CENPI: variants seen among roughly 807,000 people sequenced by gnomAD.
CENPI encodes centromere protein I, also known as FSH primary response 1.
In CENPI, 4 loss-of-function variants were observed where a neutral mutation model predicts 60.4. The observed-to-expected ratio is 0.07, with a 90% CI of 0.03 to 0.15. The LOEUF is 0.15. CENPI is among the 10% of genes least tolerant of loss of function. The pLI is 1.00. For synonymous variants in CENPI, 157 were observed against 189.4 expected, an observed-to-expected ratio of 0.83 and a Z score of 1.40; for missense variants, 444 against 534.5, an observed-to-expected ratio of 0.83 and a Z score of 1.67.
the CENPI span, among the ~76,000 whole-genome samples, chrX:101,180,525 A>G: frequency 8.9e-6 from 1 of 111,956 alleles, no homozygotes; most frequent in Non-Finnish European, 1.9e-5. Flanking sequence ...CACTTCTCAG[A>G]TATATGATTT....
chrX:101,151,363 G>A (rs1222284654), intron 20 of CENPI, among the ~76,000 whole-genome samples: 3 of 111,610 alleles, frequency 2.7e-5, no homozygotes, highest in African/African-American at 9.8e-5. Context: ...AAATTCCTCT[G>A]GATTGGCAAA....
At chrX:101,105,381 G>C (rs961654881) in intron 4 of CENPI, among the ~76,000 whole-genome samples, 1 of 110,799 alleles carries the variant, frequency 9.0e-6, no homozygotes, top group African/African-American at 3.3e-5. Context: ...AAAATTAGCC[G>C]GGCGTGGTGT....
At chrX:101,167,519 A>G (rs1048924850), downstream of CENPI, among the ~76,000 whole-genome samples, 1 of 111,838 alleles carries the variant, frequency 8.9e-6, no homozygotes, top group Non-Finnish European at 1.9e-5. Flanking sequence ...TTTTGCATTT[A>G]TAATCAGCTT....
At chrX:101,156,904 G>A (rs1196985014) in intron 20 of CENPI, among the ~76,000 whole-genome samples, 4 of 111,259 alleles carry the variant, frequency 3.6e-5, no homozygotes, top group Admixed American at 1.9e-4. Context: ...CTCATTGATT[G>A]ATGGGTGTTT....
downstream of CENPI, among the ~76,000 whole-genome samples, chrX:101,171,109 C>T (rs775748699): frequency 1.5e-3 from 169 of 111,504 alleles, 1 homozygote; most frequent in Non-Finnish European, 2.8e-3. Flanking sequence ...AAGTCTACAG[C>T]GCTATATTAA....
intron 8 of CENPI, among the ~76,000 whole-genome samples, chrX:101,121,959 C>T (rs1376960502): frequency 9.3e-6 from 1 of 108,029 alleles, no homozygotes; most frequent in African/African-American, 3.4e-5. Flanking sequence ...CGCACCACCA[C>T]GCCAGGCTAA....
At chrX:101,098,702 T>C (rs779984602) in intron 2 of CENPI, 163 bp downstream of exon 2, 1 of 111,850 alleles carries the variant, frequency 8.9e-6, no homozygotes, top group South Asian at 3.8e-4. Flanking sequence ...TTTCCACCTC[T>C]ACACCCTAGG....
intron 18 of CENPI, among the ~76,000 whole-genome samples, chrX:101,146,966 C>T (rs1156770634): frequency 9.0e-6 from 1 of 111,485 alleles, no homozygotes; most frequent in East Asian, 2.8e-4. Flanking sequence ...GAACTCCTGA[C>T]CTCAGGTAAT....
chrX:101,118,594 A>G (rs959826400), intron 6 of CENPI, among the ~76,000 whole-genome samples: 1 of 112,349 alleles, frequency 8.9e-6, no homozygotes, highest in African/African-American at 3.2e-5. Context: ...GAAATGGCAA[A>G]AACTGCAATT....
At chrX:101,127,743 T>C (rs1369760554) in intron 11 of CENPI, 78 bp downstream of exon 11, 2 of 851,483 alleles carry the variant, frequency 2.3e-6, no homozygotes, top group Non-Finnish European at 3.3e-6. Flanking sequence ...TGTTTGTTTG[T>C]TTTGTTTTTT....
In CENPI at chrX:101,162,873, A is replaced by G. The variant is rs1276893566; in HGVS notation, c.2177A>G (p.Gln726Arg). The change falls in exon 22 of 22, where the codon CAG becomes CGG. Residue 726 changes from glutamine to arginine, a missense_variant. Gln to Arg is a conservative substitution (Grantham distance 43). Coordinates refer to ENST00000682095, the MANE Select transcript of CENPI (RefSeq NM_001386188.2). ...WSWYLDYLFS[Q>R]GLQGLKLFIR... is the part of the protein sequence containing the mutation. ...TGGTATTTGGACTATTTATTTTCAC[A>G]GGGGTTACAAGGCTTGAAACTTTTT... is the stretch of plus-strand genomic sequence containing the variant. The G allele has an allele frequency of 8.3e-7, 1 of 1,207,340 alleles. No homozygotes were observed. Among genetic ancestry groups the G allele is most frequent in the Non-Finnish European group, 1.1e-6 (1 of 893,010 alleles).
intron 6 of CENPI, among the ~76,000 whole-genome samples, chrX:101,117,231 G>A (rs1304505738): frequency 9.0e-6 from 1 of 110,516 alleles, no homozygotes; most frequent in Non-Finnish European, 1.9e-5. Context: ...AGAGTTTTTT[G>A]CTCTTGTTGC....
chrX:101,103,068 C>G (rs769595851), intron 4 of CENPI, among the ~76,000 whole-genome samples: 2 of 106,531 alleles, frequency 1.9e-5, no homozygotes, highest in African/African-American at 6.9e-5. Context: ...AATCTCAGCT[C>G]ACTGCAACCT....
chrX:101,124,090 A>AGTGTGT lies in CENPI; in HGVS notation c.688-2578_688-2573dup, dbSNP rs397842781. Among the ~76,000 whole-genome samples the AGTGTGT allele has an allele frequency of 9.7e-3, 858 of 88,249 alleles. 4 individuals carry two copies. Among genetic ancestry groups the AGTGTGT allele is most frequent in the East Asian group, 0.024 (61 of 2,587 alleles). The allele number at this position is 88,249 out of a possible 115,157, so 76.6% of individuals were successfully genotyped here. The stretch of plus-strand genomic sequence containing the variant: ...TTGCACGGTTGTACATATAGAATCA[A>AGTGTGT]GTGTGTGTGTGTGTGTGTGTGTGTG... On this transcript the variant is annotated intron_variant, in intron 8 of 21. Transcript: ENST00000682095.
intron 4 of CENPI, among the ~76,000 whole-genome samples, chrX:101,106,030 A>G (rs755073358): frequency 9.0e-6 from 1 of 110,947 alleles, no homozygotes; most frequent in Non-Finnish European, 1.9e-5. Context: ...TGAGATGCAT[A>G]TTTAGAGGCA....
rs186453011 is a variant in CENPI at position 101,123,643 on chromosome X, A to G, written c.687+2859A>G. ...CACTTTGTCACCCAGGCTGGAGTGC[A>G]GTGGCATGATCATGGCTCACTGCCA... On this transcript the variant is annotated intron_variant, in intron 8 of 21. Transcript: ENST00000682095. 3.7e-4 allele frequency among the ~76,000 whole-genome samples: 41 copies of G among 110,755 alleles called. 1 individual carries two copies. The East Asian group carries it at 0.01, about 28-fold the overall frequency.
At chrX:101,174,483 G>C in the CENPI span, among the ~76,000 whole-genome samples, 4 of 111,825 alleles carry the variant, frequency 3.6e-5, no homozygotes, top group African/African-American at 1.3e-4. Flanking sequence ...ATACTACATA[G>C]CCATAAAAGA....
chrX:101,106,656 A>G (rs948575566), intron 4 of CENPI, among the ~76,000 whole-genome samples: 12 of 110,805 alleles, frequency 1.1e-4, no homozygotes, highest in Non-Finnish European at 9.4e-5. Context: ...ACCTCAGGTG[A>G]TCTCTGTGAC....
chrX:101,129,915 A>C, intron 12 of CENPI, 67 bp from the exon 13 acceptor site: 1 of 725,452 alleles, frequency 1.4e-6, no homozygotes, highest in Non-Finnish European at 2.1e-6. Flanking sequence ...CTTTAGTGAT[A>C]ATTATGTTTT....
Sources: allele counts gnomAD v4.1 joint callset (sites outside exome capture counted in the v4.1 genomes callset), GRCh38; gene constraint gnomAD v4.1.1; transcripts MANE v1.5; gene names NCBI Gene and HGNC (gene_info 2026-07-23, HGNC 2026-07-21).